RTN4: variants seen among roughly 807,000 people sequenced by gnomAD.
The protein encoded by RTN4 is reticulon-4.
A neutral mutation model predicts 90.4 loss-of-function variants in RTN4; 32 were observed. That is an observed-to-expected ratio of 0.35 (90% CI 0.27 to 0.48). The LOEUF is 0.48. Ranked by LOEUF, RTN4 falls within the 20% of genes least tolerant of loss-of-function variation. The pLI is 0.99. For missense variants in RTN4, 1,706 were observed against 1,430.2 expected (o/e 1.19, Z -3.11); for synonymous variants, 629 against 552.5 (o/e 1.14, Z -1.94).
At chr2:55,114,811 G>A (rs77830271), upstream of RTN4, among the ~76,000 whole-genome samples, 2,418 of 152,268 alleles carry the variant, frequency 0.016, 47 homozygotes, top group Non-Finnish European at 0.019. Context: ...TTCCCTGGGT[G>A]CAAATGCTCA....
chr2:55,015,044 C>T lies in RTN4; in HGVS notation c.3013+10042G>A, dbSNP rs1680930064. Among the ~76,000 whole-genome samples the T allele has an allele frequency of 2.6e-5, 4 of 152,074 alleles. No individual in the cohort carries two copies. In the South Asian group the frequency reaches 8.3e-4, roughly 32 times the overall value. On this transcript the variant is annotated intron_variant, in intron 3 of 8. Coordinates refer to ENST00000337526, the MANE Select transcript of RTN4 (RefSeq NM_020532.5). ...TTTAAACTCATCTGTTAGTGCAAAACGATATTCACAGCTCGCTAAATTTCT... is the reference window on the plus strand; with the variant it reads ...TTTAAACTCATCTGTTAGTGCAAAATGATATTCACAGCTCGCTAAATTTCT...
In RTN4 at chr2:55,001,429, T is replaced by A. The variant is rs549481586; in HGVS notation, c.3014-13731A>T. On this transcript the variant is annotated intron_variant, in intron 3 of 8. Transcript: ENST00000337526. ...AAGATTCTCTTACCCAAGTTTAGTATTGTTAAATGGTCCCTGCAGTTATGA... is the reference window on the plus strand; with the variant it reads ...AAGATTCTCTTACCCAAGTTTAGTAATGTTAAATGGTCCCTGCAGTTATGA... Among the ~76,000 whole-genome samples the A allele has an allele frequency of 9.1e-4, 139 of 152,326 alleles. 4 individuals are homozygous for A. The South Asian group carries it at 0.026, about 29-fold the overall frequency.
At chr2:55,010,813 T>C (rs1451104673) in intron 3 of RTN4, among the ~76,000 whole-genome samples, 1 of 152,168 alleles carries the variant, frequency 6.6e-6, no homozygotes, top group Non-Finnish European at 1.5e-5. Flanking sequence ...AACTTAATCT[T>C]CCTAATATCT....
At chr2:55,118,408 C>G in the RTN4 span, among the ~76,000 whole-genome samples, 46 of 151,828 alleles carry the variant, frequency 3.0e-4, no homozygotes, top group African/African-American at 1.0e-3. Context: ...AAGGCTGCAG[C>G]GAGCTGTGTT....
At chr2:55,135,219 T>C in the RTN4 span, among the ~76,000 whole-genome samples, 1 of 150,510 alleles carries the variant, frequency 6.6e-6, no homozygotes. Flanking sequence ...TTTTTTTTTT[T>C]TTTTTTGAGA....
intron 5 of RTN4, among the ~76,000 whole-genome samples, chr2:54,981,549 A>T (rs1174620457): frequency 1.3e-5 from 2 of 152,194 alleles, no homozygotes; most frequent in African/African-American, 4.8e-5. Flanking sequence ...AACACAAATG[A>T]CAAGTTCTAT....
At chr2:54,988,142 C>T (rs999624294) in intron 3 of RTN4, among the ~76,000 whole-genome samples, 2 of 152,174 alleles carry the variant, frequency 1.3e-5, no homozygotes, top group Non-Finnish European at 2.9e-5. Context: ...CACGGCAAAA[C>T]TCCGTCTCTA....
chr2:54,994,611 G>C (rs181689355), intron 3 of RTN4, among the ~76,000 whole-genome samples: 144 of 152,232 alleles, frequency 9.5e-4, no homozygotes, highest in African/African-American at 3.0e-3. Context: ...AAAACCCACA[G>C]CTAACATCAA....
At chr2:55,018,949 T>C (rs749288364) in intron 3 of RTN4, among the ~76,000 whole-genome samples, 4 of 152,088 alleles carry the variant, frequency 2.6e-5, no homozygotes, top group African/African-American at 9.7e-5. Context: ...AATGGCTGAT[T>C]CCAGGGCTGG....
chr2:55,077,887 A>T (rs1244245406), intron 2 of RTN4, among the ~76,000 whole-genome samples: 3 of 151,988 alleles, frequency 2.0e-5, no homozygotes, highest in Non-Finnish European at 4.4e-5. Flanking sequence ...ATTCTAAGTG[A>T]AGTAACTCAC....
intron 3 of RTN4, among the ~76,000 whole-genome samples, chr2:54,995,927 C>CA: frequency 6.6e-6 from 1 of 151,860 alleles, no homozygotes; most frequent in South Asian, 2.1e-4. Flanking sequence ...CAACACTGAA[C>CA]AAAACAATGA....
rs781210081 is a variant in RTN4 at position 55,026,068 on chromosome 2, A to C, written c.2031T>G (p.Ile677Met). The part of the protein sequence containing the change: ...LKKVSGIKEE[I>M]KEPENINAAL... Reference sequence around the variant, plus strand: ...CTGCATTAATATTTTCAGGCTCTTTAATTTCTTCCTTTATTCCTGATACTT... The same window carrying C: ...CTGCATTAATATTTTCAGGCTCTTTCATTTCTTCCTTTATTCCTGATACTT... Residue 677 changes from isoleucine to methionine, a missense_variant, in exon 3 of 9, where the codon ATT becomes ATG. Transcript: ENST00000337526. 69 of 1,610,368 alleles carry C rather than the reference A, an allele frequency of 4.3e-5. No homozygotes were observed. The highest frequency in any genetic ancestry group is 5.8e-5 in the Non-Finnish European group (68 of 1,179,182).
the RTN4 span, among the ~76,000 whole-genome samples, chr2:55,120,469 C>T: frequency 3.3e-5 from 5 of 152,170 alleles, no homozygotes; most frequent in Middle Eastern, 6.8e-3. Context: ...CTGGGGCTGG[C>T]CCCCAAACCT....
intron 3 of RTN4, among the ~76,000 whole-genome samples, chr2:54,996,174 T>C (rs1351733311): frequency 6.6e-6 from 1 of 152,194 alleles, no homozygotes; most frequent in Admixed American, 6.5e-5. Flanking sequence ...ATATGAACTA[T>C]ACATAACACA....
intron 1 of RTN4, among the ~76,000 whole-genome samples, chr2:55,085,787 C>A (rs1668826192): frequency 6.6e-6 from 1 of 152,150 alleles, no homozygotes; most frequent in Admixed American, 6.5e-5. Flanking sequence ...GAAGGCCTGG[C>A]CCCTTTCTAA....
the RTN4 span, among the ~76,000 whole-genome samples, chr2:55,120,296 C>T: frequency 6.6e-6 from 1 of 152,208 alleles, no homozygotes; most frequent in African/African-American, 2.4e-5. Flanking sequence ...GCCACTTTTC[C>T]CAGCAGGTTT....
rs933734776 is a variant in RTN4 at position 55,030,778 on chromosome 2, G to C, written c.557-2558C>G. On this transcript the variant is annotated intron_variant, in intron 1 of 8. Coordinates refer to ENST00000337526, the MANE Select transcript of RTN4 (RefSeq NM_020532.5). ...ACGAGATGTGCTTCATCTTCTGAAGGATGTATTTATGTACAAGTGCAACTG... is the reference window on the plus strand; with the variant it reads ...ACGAGATGTGCTTCATCTTCTGAAGCATGTATTTATGTACAAGTGCAACTG... 2.6e-4 allele frequency among the ~76,000 whole-genome samples: 40 copies of C among 152,280 alleles called. 1 individual carries two copies. Among genetic ancestry groups the C allele is most frequent in the African/African-American group, 9.6e-4 (40 of 41,560 alleles).
intron 1 of RTN4, among the ~76,000 whole-genome samples, chr2:55,049,373 C>G (rs1419704946): frequency 6.6e-6 from 1 of 152,214 alleles, no homozygotes; most frequent in Non-Finnish European, 1.5e-5. Flanking sequence ...CCTTTCCTTC[C>G]TCACCTCGAA....
intron 1 of RTN4, 113 bp from the exon 2 acceptor site, chr2:55,028,333 A>AC (rs1486421812): frequency 1.2e-6 from 1 of 840,062 alleles, no homozygotes; most frequent in East Asian, 2.8e-5. Flanking sequence ...AAAAAACTTT[A>AC]CAGAGAAAGG....
Sources: allele counts gnomAD v4.1 joint callset (sites outside exome capture counted in the v4.1 genomes callset), GRCh38; gene constraint gnomAD v4.1.1; transcripts MANE v1.5; gene names NCBI Gene and HGNC (gene_info 2026-07-23, HGNC 2026-07-21).